Variants in ANK3 observed in about 807,000 individuals in gnomAD.
The protein encoded by ANK3 is ankyrin-3.
In ANK3, 57 loss-of-function variants were observed where a neutral mutation model predicts 370.9. The ratio of observed to expected loss-of-function variants is 0.15; its 90% CI spans 0.12 to 0.19. ANK3 has a LOEUF of 0.19. Ranked by LOEUF, ANK3 falls within the 10% of genes least tolerant of loss-of-function variation. ANK3 has a pLI of 1.00. For missense variants in ANK3, 4,439 were observed against 5,302.1 expected (o/e 0.84, Z 5.06); for synonymous variants, 1,929 against 1,946.3 (o/e 0.99, Z 0.23).
Position 60,196,607 on chromosome 10 carries a change from G to A in ANK3, c.1708C>T (p.His570Tyr). The change falls in exon 15 of 44, where the codon CAT becomes TAT. Residue 570 changes from histidine (H) to tyrosine (Y), a missense_variant. Physicochemically the swap from His to Tyr is moderately conservative, Grantham distance 83 (BLOSUM62 2). Around this residue, in one of 13 missense-constraint regions of ANK3, gnomAD observed 192 missense variants for 192.1 expected, o/e 1.00. Transcript: ENST00000280772. ...AGCTTTCCATATTTTGCTGCCACAT[G>A]AAGAGGAGTAAATCCTTTCTGAAAA... ...ITTKKGFTPL[H>Y]VAAKYGKLEV... 2.5e-6 allele frequency: 4 copies of A among 1,595,846 alleles called. No individual in the cohort carries two copies. The highest frequency in any genetic ancestry group is 3.4e-6 in the Non-Finnish European group (4 of 1,168,658).
intron 1 of ANK3, among the ~76,000 whole-genome samples, chr10:60,669,161 A>T (rs1465043013): frequency 6.6e-6 from 1 of 152,112 alleles, no homozygotes; most frequent in Non-Finnish European, 1.5e-5. Context: ...TGGATTGAGG[A>T]TTGAACTGAT....
At chr10:60,684,404 A>C in intron 1 of ANK3, 2 of 648,536 alleles carry the variant, frequency 3.1e-6, no homozygotes, top group East Asian at 3.6e-5. Context: ...AGGGGAGGGA[A>C]GGATGGTTAG....
intron 1 of ANK3, among the ~76,000 whole-genome samples, chr10:60,351,446 T>C (rs1463041258): frequency 6.6e-6 from 1 of 152,224 alleles, no homozygotes; most frequent in Non-Finnish European, 1.5e-5. Flanking sequence ...TGCTTTGACA[T>C]AGAACTGCCA....
chr10:60,610,139 G>A (rs2078181210), intron 2 of ANK3, among the ~76,000 whole-genome samples: 1 of 151,980 alleles, frequency 6.6e-6, no homozygotes, highest in Admixed American at 6.6e-5. Context: ...GACATGTACA[G>A]ACAATTCACA....
intron 2 of ANK3, among the ~76,000 whole-genome samples, chr10:60,559,655 C>G (rs1032110138): frequency 9.9e-5 from 15 of 152,120 alleles, no homozygotes; most frequent in Non-Finnish European, 2.1e-4. Context: ...TGATTCCATT[C>G]TCTGCTCTTT....
chr10:60,684,863 G>T (rs568295071), intron 1 of ANK3: 41 of 1,490,828 alleles, frequency 2.8e-5, no homozygotes, highest in Non-Finnish European at 3.8e-5. Flanking sequence ...AAAATAACTA[G>T]GTTATCAGAA....
At chr10:60,436,270 A>G (rs1408435822) in intron 2 of ANK3, among the ~76,000 whole-genome samples, 3 of 152,316 alleles carry the variant, frequency 2.0e-5, no homozygotes, top group South Asian at 4.1e-4. Context: ...CAATGCTGCT[A>G]TGAACATTTG....
chr10:60,399,017 T>C (rs2063300804), intron 2 of ANK3, among the ~76,000 whole-genome samples: 1 of 152,202 alleles, frequency 6.6e-6, no homozygotes, highest in Non-Finnish European at 1.5e-5. Context: ...ATTACTTCAA[T>C]TACTTTTAGG....
At chr10:60,615,261 A>C (rs780137009) in intron 1 of ANK3, 1 of 1,432,294 alleles carries the variant, frequency 7.0e-7, no homozygotes, top group South Asian at 1.3e-5. Flanking sequence ...AGCAAACATG[A>C]AAGAATTCCA....
intron 1 of ANK3, among the ~76,000 whole-genome samples, chr10:60,620,199 C>A (rs952565915): frequency 6.6e-6 from 1 of 152,110 alleles, no homozygotes; most frequent in Admixed American, 6.6e-5. Flanking sequence ...TGACATATTT[C>A]TTATTTTACA....
rs1170942253 is a variant in ANK3 at position 60,205,772 on chromosome 10, G to A, written c.1293+20C>T. The A allele has an allele frequency of 6.3e-7, 1 of 1,582,838 alleles. No individual in the cohort carries two copies. Among genetic ancestry groups the A allele is most frequent in the Non-Finnish European group, 8.7e-7 (1 of 1,151,560 alleles). ...TACTCTCAGTATCTCAGGACTCCCA[G>A]AAATCTTAACTCTTCTCACCTCGGT... On this transcript the variant is annotated intron_variant, in intron 11 of 43. Coordinates refer to ENST00000280772, the MANE Select transcript of ANK3 (RefSeq NM_020987.5).
At chr10:60,521,318 C>A (rs956826876) in intron 2 of ANK3, among the ~76,000 whole-genome samples, 2 of 151,970 alleles carry the variant, frequency 1.3e-5, no homozygotes, top group Non-Finnish European at 2.9e-5. Context: ...AGTTTTCCAT[C>A]CTTTAAAGGA....
chr10:60,605,800 A>G (rs1039049249), intron 2 of ANK3, among the ~76,000 whole-genome samples: 5 of 152,204 alleles, frequency 3.3e-5, no homozygotes, highest in African/African-American at 1.2e-4. Context: ...ACTTGTATTA[A>G]TAAGAGCTTC....
intron 2 of ANK3, among the ~76,000 whole-genome samples, chr10:60,441,092 G>A (rs2064289379): frequency 1.3e-5 from 2 of 152,092 alleles, no homozygotes; most frequent in African/African-American, 4.8e-5. Context: ...GCAGGAAAAA[G>A]TTTAGAAAAG....
chr10:60,093,427 T>C (rs116079116), intron 28 of ANK3, among the ~76,000 whole-genome samples: 48 of 152,330 alleles, frequency 3.2e-4, no homozygotes, highest in African/African-American at 1.1e-3. Context: ...ATTTCCTAAT[T>C]CTGCTTATAA....
intron 42 of ANK3, chr10:60,053,842 G>T: frequency 1.2e-6 from 1 of 808,986 alleles, no homozygotes; most frequent in Non-Finnish European, 1.7e-6. Flanking sequence ...AAACATCTTT[G>T]GTTTTCTTGT....
rs760446961 is a variant in ANK3 at position 60,524,748 on chromosome 10, T to TG, written c.96+90437dup. Among the ~76,000 whole-genome samples, 8 of 152,128 alleles carry TG rather than the reference T, an allele frequency of 5.3e-5. No homozygotes were observed. The South Asian group carries it at 1.7e-3, about 32-fold the overall frequency. ...CTAAAACCACATGTTTCATCATGCCTGGGGGGTGGCGGATACTGAGATTGG... is the reference window on the plus strand; with the variant it reads ...CTAAAACCACATGTTTCATCATGCCTGGGGGGGTGGCGGATACTGAGATTGG... On this transcript the variant is annotated intron_variant, in intron 2 of 43. Coordinates refer to the ANK3 transcript ENST00000373827.
At chr10:60,618,068 T>C (rs193047487) in intron 1 of ANK3, among the ~76,000 whole-genome samples, 7 of 152,166 alleles carry the variant, frequency 4.6e-5, no homozygotes, top group Admixed American at 3.3e-4. Flanking sequence ...AATTTTTTTA[T>C]CTCCTTCTCA....
Position 60,582,947 on chromosome 10 carries a change from T to C in ANK3, c.96+32239A>G, listed in dbSNP as rs1045312917. ...AGTACAGCCATTATGGAAGGAGCAA[T>C]ATGGAAGTTCCTAAAAAAATTAAAA... On this transcript the variant is annotated intron_variant, in intron 2 of 43. Coordinates refer to the ANK3 transcript ENST00000373827. Among the ~76,000 whole-genome samples the C allele has an allele frequency of 2.0e-5, 3 of 152,056 alleles. No homozygotes were observed. The South Asian group carries it at 6.2e-4, about 31-fold the overall frequency.
Sources: allele counts gnomAD v4.1 joint callset (sites outside exome capture counted in the v4.1 genomes callset), GRCh38; gene constraint gnomAD v4.1.1; regional missense constraint gnomAD v4.1.1; transcripts MANE v1.5; gene names NCBI Gene and HGNC (gene_info 2026-07-23, HGNC 2026-07-21).